Variants in ABL1 observed in about 807,000 individuals in gnomAD.
ABL1 encodes the protein ABL proto-oncogene 1, non-receptor tyrosine kinase.
A neutral mutation model predicts 94.7 loss-of-function variants in ABL1; 11 were observed. The observed-to-expected ratio is 0.12, with a 90% CI of 0.07 to 0.19. The LOEUF (loss-of-function observed/expected upper bound fraction) is 0.19, where lower values mean the gene tolerates loss of function less well. ABL1 is among the 10% of genes least tolerant of loss of function. The pLI is 1.00. For synonymous variants in ABL1, 656 were observed against 622.4 expected (o/e 1.05, Z -0.80); for missense variants, 1,082 against 1,489.4 (o/e 0.73, Z 4.50).
At chr9:130,788,554 A>G (rs1049195878) in intron 1 of ABL1, among the ~76,000 whole-genome samples, 2 of 152,206 alleles carry the variant, frequency 1.3e-5, no homozygotes, top group Non-Finnish European at 2.9e-5. Flanking sequence ...CAATTCTCCC[A>G]GTAATGTCCT....
At chr9:130,730,511 T>C (rs941005095) in intron 1 of ABL1, among the ~76,000 whole-genome samples, 5 of 152,182 alleles carry the variant, frequency 3.3e-5, no homozygotes, top group Admixed American at 3.3e-4. Flanking sequence ...ACCTCTTTTG[T>C]CCATTTTTCT....
rs184992861 is a variant in ABL1, at chr9:130,760,901, G to A, written c.136+46446G>A. 2.9e-4 allele frequency among the ~76,000 whole-genome samples: 43 copies of A among 146,944 alleles called. No individual in the cohort carries two copies. In the East Asian group the frequency reaches 7.3e-3, roughly 25 times the overall value. On this transcript the variant is annotated intron_variant, in intron 1 of 10. Coordinates refer to the ABL1 transcript ENST00000372348. ...AGGATGGTCTCAATCTCTTGACCTC[G>A]TGGTCAGCCCCCGCAAAGTGCTATT...
intron 4 of ABL1, among the ~76,000 whole-genome samples, chr9:130,870,044 G>A (rs779196419): frequency 2.0e-5 from 3 of 152,148 alleles, no homozygotes; most frequent in Non-Finnish European, 4.4e-5. Context: ...AGGTTGTTCC[G>A]GAACTCAGGT....
chr9:130,766,665 G>C (rs1832187576), intron 1 of ABL1, among the ~76,000 whole-genome samples: 1 of 151,986 alleles, frequency 6.6e-6, no homozygotes, highest in Admixed American at 6.6e-5. Flanking sequence ...TTTCATCCTT[G>C]CCTCCTCCTC....
intron 1 of ABL1, among the ~76,000 whole-genome samples, chr9:130,773,197 G>A (rs1832273178): frequency 1.3e-5 from 2 of 152,084 alleles, no homozygotes; most frequent in Admixed American, 1.3e-4. Context: ...GCACATGCCT[G>A]TAATCCTGCT....
intron 1 of ABL1, among the ~76,000 whole-genome samples, chr9:130,747,600 A>T (rs993852813): frequency 3.9e-5 from 6 of 152,008 alleles, no homozygotes; most frequent in Non-Finnish European, 8.8e-5. Context: ...TTTTGTAGAG[A>T]CATGGTTTCA....
intron 3 of ABL1, among the ~76,000 whole-genome samples, chr9:130,857,184 GCTT>G (rs898937163): frequency 6.6e-6 from 1 of 152,200 alleles, no homozygotes; most frequent in African/African-American, 2.4e-5. Context: ...CGTTGCACGT[GCTT>G]CTTTATGTGG....
At chr9:130,787,222 G>A (rs978533822) in intron 1 of ABL1, among the ~76,000 whole-genome samples, 1 of 152,138 alleles carries the variant, frequency 6.6e-6, no homozygotes, top group African/African-American at 2.4e-5. Context: ...TAAGAGGATG[G>A]GGACTTTCTT....
intron 1 of ABL1, among the ~76,000 whole-genome samples, chr9:130,829,431 G>A (rs1303302221): frequency 2.0e-5 from 3 of 152,044 alleles, no homozygotes; most frequent in Non-Finnish European, 4.4e-5. Flanking sequence ...GCGTGGTGGC[G>A]GTCCCCTGTA....
intron 1 of ABL1, among the ~76,000 whole-genome samples, chr9:130,843,632 A>G (rs988955213): frequency 3.3e-5 from 5 of 152,020 alleles, no homozygotes; most frequent in Admixed American, 3.3e-4. Context: ...GGGTTAAAGG[A>G]GAAGCATCCT....
At chr9:130,834,930 G>A (rs1364832209), upstream of ABL1, 9 of 455,798 alleles carry the variant, frequency 2.0e-5, no homozygotes, top group South Asian at 4.7e-5. Flanking sequence ...CGCCAAAAGC[G>A]GTGCAGGTTG....
chr9:130,730,090 CT>C lies in ABL1; in HGVS notation c.136+15636del, dbSNP rs1260072283. Among the ~76,000 whole-genome samples, 4 of 137,576 alleles carry C rather than the reference CT, an allele frequency of 2.9e-5. 1 individual carries two copies. The highest frequency in any genetic ancestry group is 1.1e-4 in the African/African-American group (4 of 35,626). 90.3% of individuals were successfully genotyped at this position (137,576 alleles called of 152,430 possible). The stretch of plus-strand genomic sequence containing the variant: ...TGGAATTCTGCTCTTGTTGCCCACG[CT>C]GGAGTGCAATGGTGCAATCTTAGCT... On this transcript the variant is annotated intron_variant, in intron 1 of 10. Coordinates refer to the ABL1 transcript ENST00000372348.
chr9:130,867,264 C>T (rs910145381), intron 4 of ABL1, among the ~76,000 whole-genome samples: 2 of 152,184 alleles, frequency 1.3e-5, no homozygotes, highest in African/African-American at 4.8e-5. Context: ...CCCATAGGCA[C>T]GGATCTCTGT....
rs202235231 is a variant in ABL1, at chr9:130,854,075, C to T, written c.91C>T (p.Arg31Trp). 8.7e-6 allele frequency: 14 copies of T among 1,609,412 alleles called. No homozygotes were observed. Among genetic ancestry groups the T allele is most frequent in the East Asian group, 6.7e-5 (3 of 44,828 alleles). Residue 31 changes from arginine (R) to tryptophan (W), a missense_variant, in exon 2 of 11, where the codon CGG becomes TGG. Arg to Trp is a moderately radical substitution (Grantham distance 101). Coordinates refer to ENST00000318560, the MANE Select transcript of ABL1 (RefSeq NM_005157.6). ...SSCYLEEALQ[R>W]PVASDFEPQG... is the part of the protein sequence containing the mutation. ...CCTTTCTCTTCCAGAAGCCCTTCAG[C>T]GGCCAGTAGCATCTGACTTTGAGCC...
intron 4 of ABL1, among the ~76,000 whole-genome samples, chr9:130,869,698 A>G (rs937490195): frequency 5.3e-5 from 8 of 152,234 alleles, no homozygotes; most frequent in Admixed American, 3.3e-4. Context: ...ATTTTACTAT[A>G]TAAAGAGAAT....
chr9:130,812,420 CTATTTA>C (rs960540085), intron 1 of ABL1, among the ~76,000 whole-genome samples: 1 of 151,258 alleles, frequency 6.6e-6, no homozygotes, highest in African/African-American at 2.4e-5. Context: ...AAAGCAAGAC[CTATTTA>C]TATTTATATG....
chr9:130,755,622 C>T (rs951210094), intron 1 of ABL1, among the ~76,000 whole-genome samples: 1 of 152,212 alleles, frequency 6.6e-6, no homozygotes, highest in South Asian at 2.1e-4. Flanking sequence ...CATGGTGTTC[C>T]TGTTCATTCA....
At chr9:130,807,668 T>TTATATATATATA (rs35665086) in intron 1 of ABL1, among the ~76,000 whole-genome samples, 26 of 113,292 alleles carry the variant, frequency 2.3e-4, no homozygotes, top group African/African-American at 7.7e-4. Flanking sequence ...TTCCTTAATT[T>TTATATATATATA]TATATATATA....
At chr9:130,750,755 T>C (rs960830050) in intron 1 of ABL1, among the ~76,000 whole-genome samples, 1 of 150,662 alleles carries the variant, frequency 6.6e-6, no homozygotes, top group South Asian at 2.1e-4. Flanking sequence ...CAAGTGATTC[T>C]TCTGCCTCAG....
Sources: allele counts gnomAD v4.1 joint callset (sites outside exome capture counted in the v4.1 genomes callset), GRCh38; gene constraint gnomAD v4.1.1; transcripts MANE v1.5; gene names NCBI Gene and HGNC (gene_info 2026-07-23, HGNC 2026-07-21).